MORN1: variants seen among roughly 807,000 people sequenced by gnomAD.
MORN1 encodes the protein MORN repeat containing 1.
MORN1 carries 67 observed loss-of-function variants against 61.9 expected under a neutral mutation model. That is an observed-to-expected ratio of 1.08 (90% CI 0.89 to 1.33). MORN1 has a LOEUF of 1.33. Ranked by LOEUF, MORN1 falls within the 40% of genes most tolerant of loss-of-function variation. The pLI, the probability that MORN1 is intolerant of heterozygous loss-of-function variation, is 0.00. For synonymous variants in MORN1, 301 were observed against 292.0 expected (o/e 1.03, Z -0.31); for missense variants, 752 against 691.2 (o/e 1.09, Z -0.99).
At chr1:2,325,123 C>CTTCT (rs796594126) in intron 12 of MORN1, among the ~76,000 whole-genome samples, 2,292 of 40,064 alleles carry the variant, frequency 0.057, 122 homozygotes, top group East Asian at 0.27. Context: ...CCTTCCTTCC[C>CTTCT]TTCCTTCCTT....
At chr1:2,351,689 C>A (rs1242334837) in intron 10 of MORN1, 1 of 439,922 alleles carries the variant, frequency 2.3e-6, no homozygotes, top group Non-Finnish European at 4.5e-6. Flanking sequence ...GTGCTGGTTG[C>A]TTCGCATTCT....
intron 8 of MORN1, among the ~76,000 whole-genome samples, chr1:2,370,928 G>A (rs188785622): frequency 9.2e-5 from 14 of 151,978 alleles, no homozygotes; most frequent in Middle Eastern, 3.4e-3. Context: ...GGACTTGGCC[G>A]GGCACGGTGG....
rs1641430513 is a variant in MORN1 at position 2,342,876 on chromosome 1, ATTTTATTTTAT to A, written c.1037-6037_1037-6027del. Among the ~76,000 whole-genome samples the A allele has an allele frequency of 1.8e-3, 165 of 91,470 alleles. 1 individual carries two copies. Among genetic ancestry groups the A allele is most frequent in the Admixed American group, 0.014 (117 of 8,558 alleles). The allele number at this position is 91,470 out of a possible 152,430, so 60.0% of individuals were successfully genotyped here. On this transcript the variant is annotated intron_variant, in intron 10 of 13. Coordinates refer to ENST00000378531, the MANE Select transcript of MORN1 (RefSeq NM_024848.3). ...TATTTTATTTTATTTTATTTATTTTATTTTATTTTATTTTATTTTATTTTATTTTATTTTAT... is the reference window on the plus strand; with the variant it reads ...TATTTTATTTTATTTTATTTATTTTATTTATTTTATTTTATTTTATTTTAT...
At position 2,363,806 on chromosome 1, in the gene MORN1, A is replaced by AAAC. The variant is rs1553217337; in HGVS notation, c.746-5092_746-5091insGTT. 7.1e-3 allele frequency among the ~76,000 whole-genome samples: 495 copies of AAAC among 69,798 alleles called. 5 individuals carry two copies. Among genetic ancestry groups the AAAC allele is most frequent in the East Asian group, 0.022 (20 of 894 alleles). The allele number at this position is 69,798 out of a possible 152,430, so 45.8% of individuals were successfully genotyped here. Reference sequence around the variant, plus strand: ...TAGAAAAACAAACAAACAAACAAACAAAAAAATATATATATATATAAAAAA... The same window carrying AAAC: ...TAGAAAAACAAACAAACAAACAAACAAACAAAAAATATATATATATATAAAAAA... On this transcript the variant is annotated intron_variant, in intron 8 of 13. Coordinates refer to ENST00000378531, the MANE Select transcript of MORN1 (RefSeq NM_024848.3).
chr1:2,388,882 T>G (rs1381573297), intron 2 of MORN1, among the ~76,000 whole-genome samples: 1 of 146,232 alleles, frequency 6.8e-6, no homozygotes, highest in Non-Finnish European at 1.5e-5. Flanking sequence ...GAGGTTGAGG[T>G]GGGCAGATCA....
intron 10 of MORN1, chr1:2,352,100 T>C: frequency 2.1e-6 from 1 of 478,028 alleles, no homozygotes. Flanking sequence ...CCCTGCAATG[T>C]GTCTTGTGAA....
At chr1:2,323,964 C>A (rs1475634985) in intron 13 of MORN1, 133 bp downstream of exon 13, 2 of 1,443,970 alleles carry the variant, frequency 1.4e-6, no homozygotes, top group Non-Finnish European at 1.8e-6. Context: ...GCTCCCCAGT[C>A]CCCCACCCAC....
chr1:2,336,321 GC>G, intron 12 of MORN1, 147 bp downstream of exon 12: 1 of 717,294 alleles, frequency 1.4e-6, no homozygotes, highest in South Asian at 2.2e-5. Flanking sequence ...TGGCGGGGGG[GC>G]TCTCTGGAGC....
In MORN1 at chr1:2,372,496, C is replaced by A; in HGVS notation, c.730G>T (p.Gly244Trp). The A allele has an allele frequency of 6.2e-7, 1 of 1,613,328 alleles. No individual in the cohort carries two copies. Among genetic ancestry groups the A allele is most frequent in the Non-Finnish European group, 8.5e-7 (1 of 1,179,722 alleles). ...SVNVQLLQDH[G>W]EIAKSESGRV... ...AGATGCTTACTCTTGGCAATTTCCC[C>A]GTGGTCCTGCAGCAGCTGAACGTTC... The change falls in exon 8 of 14, where the codon GGG (glycine) becomes TGG (tryptophan). Residue 244 changes from glycine (G) to tryptophan (W), a missense_variant. By Grantham distance (184) the Gly-to-Trp change is radical. Transcript: ENST00000378531. This position sits in a 1 kb window ranked among gnomAD's most constrained non-coding sequence, Gnocchi z 5.4.
chr1:2,390,956 C>G (rs2100387230), intron 1 of MORN1, among the ~76,000 whole-genome samples: 1 of 152,256 alleles, frequency 6.6e-6, no homozygotes, highest in South Asian at 2.1e-4. Flanking sequence ...ATGTTGGCCA[C>G]ACTGGTCTCG....
intron 10 of MORN1, chr1:2,355,453 A>G (rs1641742382): frequency 6.4e-7 from 1 of 1,550,410 alleles, no homozygotes; most frequent in Admixed American, 2.0e-5. Context: ...TGATCCTAGA[A>G]GAGTGAGCTC....
chr1:2,322,767 C>G, intron 13 of MORN1: 1 of 985,420 alleles, frequency 1.0e-6, no homozygotes, highest in Non-Finnish European at 1.2e-6. Flanking sequence ...AGGCGCTGGC[C>G]GGGGGGCCGA....
chr1:2,356,569 A>G (rs575431568), intron 10 of MORN1, among the ~76,000 whole-genome samples: 91 of 152,252 alleles, frequency 6.0e-4, no homozygotes, highest in African/African-American at 2.1e-3. Context: ...AGTGCCAGGC[A>G]TTTGTCCAGT....
At chr1:2,327,766 C>G (rs1449749876) in intron 12 of MORN1, among the ~76,000 whole-genome samples, 1 of 152,256 alleles carries the variant, frequency 6.6e-6, no homozygotes, top group Non-Finnish European at 1.5e-5. Context: ...AGGTGCTGCG[C>G]CCGGCTCCCT....
At chr1:2,328,604 C>T (rs562686726) in intron 12 of MORN1, among the ~76,000 whole-genome samples, 8 of 152,354 alleles carry the variant, frequency 5.3e-5, no homozygotes, top group African/African-American at 1.9e-4. Context: ...CGGCTTTCTG[C>T]AGCCCCGGGA....
At chr1:2,367,567 T>C (rs1642023841) in intron 8 of MORN1, among the ~76,000 whole-genome samples, 1 of 152,156 alleles carries the variant, frequency 6.6e-6, no homozygotes, top group Non-Finnish European at 1.5e-5. Flanking sequence ...TATACAGCAG[T>C]TGGACCCCTT....
At chr1:2,368,561 C>T (rs889134365) in intron 8 of MORN1, among the ~76,000 whole-genome samples, 6 of 152,154 alleles carry the variant, frequency 3.9e-5, no homozygotes, top group African/African-American at 1.4e-4. Context: ...CCTCCCTGAC[C>T]CTGTTTTATC....
intron 10 of MORN1, among the ~76,000 whole-genome samples, chr1:2,339,224 A>C (rs544935550): frequency 6.6e-6 from 1 of 152,138 alleles, no homozygotes. Flanking sequence ...ATCCCAGCGC[A>C]TCTGGACCAG....
intron 12 of MORN1, among the ~76,000 whole-genome samples, chr1:2,329,645 C>T (rs1396605828): frequency 3.9e-5 from 6 of 152,128 alleles, no homozygotes; most frequent in East Asian, 3.9e-4. Flanking sequence ...CTCCTGGCCA[C>T]GGGGTCAGCA....
Sources: gnomAD v4.1 joint callset for allele counts (sites outside exome capture counted in the v4.1 genomes callset) on GRCh38, gnomAD v4.1.1 for gene constraint, Gnocchi (gnomAD v3.1) non-coding constraint, MANE v1.5 for transcripts, NCBI Gene and HGNC (gene_info 2026-07-23, HGNC 2026-07-21) for gene names.